The following ATR variants were observed in gnomAD, a reference collection of about 807,000 sequenced individuals.
ATR encodes the protein serine/threonine-protein kinase ATR.
In ATR, 142 loss-of-function variants were observed where a neutral mutation model predicts 305.3. That is an observed-to-expected ratio of 0.47 (90% CI 0.41 to 0.53). The LOEUF (loss-of-function observed/expected upper bound fraction) is 0.53. Ranked by LOEUF, ATR falls within the 20% of genes least tolerant of loss-of-function variation. ATR has a pLI of 0.00. For synonymous variants in ATR, 1,050 were observed against 1,068.1 expected, an observed-to-expected ratio of 0.98 and a Z score of 0.33; for missense variants, 2,135 against 3,133.1, an observed-to-expected ratio of 0.68 and a Z score of 7.60.
chr3:142,543,172 G>T (rs1208940776), intron 16 of ATR, among the ~76,000 whole-genome samples: 6 of 152,106 alleles, frequency 3.9e-5, no homozygotes, highest in Admixed American at 2.0e-4. Context: ...AGAAAAGTAC[G>T]ATTAAGGAAA....
In ATR at chr3:142,498,714, C is replaced by CT. The variant is rs1268253442; in HGVS notation, c.5440dup (p.Arg1814LysfsTer8). The stretch of plus-strand genomic sequence containing the variant: ...TGAGTCATAAAAAGCTGTGATATCT[C>CT]TTTTTTTGGCTGATAATAATAGCTG... On this transcript the variant is annotated frameshift_variant, in exon 32 of 47. Coordinates refer to ENST00000350721, the MANE Select transcript of ATR (RefSeq NM_001184.4). LOFTEE classifies it high-confidence loss of function. 1.9e-6 allele frequency: 3 copies of CT among 1,613,910 alleles called. No individual in the cohort carries two copies. Among genetic ancestry groups the CT allele is most frequent in the Non-Finnish European group, 2.5e-6 (3 of 1,179,906 alleles).
At chr3:142,527,638 A>G (rs1019684740) in intron 21 of ATR, among the ~76,000 whole-genome samples, 3 of 151,972 alleles carry the variant, frequency 2.0e-5, no homozygotes, top group Non-Finnish European at 4.4e-5. Context: ...TCTGTTCTCT[A>G]TATTTCTGCT....
chr3:142,536,264 A>G, intron 19 of ATR, 63 bp from the exon 20 acceptor site: 10 of 1,244,268 alleles, frequency 8.0e-6, no homozygotes, highest in South Asian at 3.8e-5. Flanking sequence ...AAAAATGTAA[A>G]GTAAAAGTTG....
Position 142,490,081 on chromosome 3 carries a change from C to CAA in ATR, c.6078+3049_6078+3050dup, listed in dbSNP as rs370496761. ...TCTGTATTTTTTTTCTTTTAATAGA[C>CAA]AAAGTTTCACTCTGTAACTCAGGCT... On this transcript the variant is annotated intron_variant, in intron 35 of 46. Coordinates refer to ENST00000350721, the MANE Select transcript of ATR (RefSeq NM_001184.4). Among the ~76,000 whole-genome samples, 142 of 152,152 alleles carry CAA rather than the reference C, an allele frequency of 9.3e-4. 2 individuals carry two copies. The East Asian group carries it at 0.024, about 25-fold the overall frequency.
At position 142,553,641 on chromosome 3, in the gene ATR, T is replaced by G; in HGVS notation, c.2632A>C (p.Arg878=). The stretch of plus-strand genomic sequence containing the variant: ...GAACACAAATGCTGCCAAGTATACC[T>G]TCCAATATCCCCTGTTGTAAGAATC... The part of the protein sequence containing the change: ...TLILTTGDIG[R]AAKGDLVPFA... Residue 878 remains arginine (R), a splice_region_variant and synonymous_variant, in exon 12 of 47, where the codon AGG becomes CGG. Transcript: ENST00000350721. The G allele has an allele frequency of 6.2e-7, 1 of 1,603,122 alleles. No homozygotes were observed. Among genetic ancestry groups the G allele is most frequent in the Non-Finnish European group, 8.5e-7 (1 of 1,170,726 alleles).
rs530203307 is a variant in ATR, at chr3:142,466,662, T to C, written c.6688-129A>G. 9.3e-6 allele frequency: 8 copies of C among 857,960 alleles called. 1 individual carries two copies. The South Asian group carries it at 1.3e-4, about 14-fold the overall frequency. 53.1% of individuals were successfully genotyped at this position (857,960 alleles called of 1,614,324 possible). On this transcript the variant is annotated intron_variant, in intron 39 of 46. Transcript: ENST00000350721. ...TGGTTTTCTAAGTATTTCCTAATCA[T>C]CCCATTTTAACCTCTGTCATTTACC...
rs2071030191 is a variant in ATR at position 142,461,924 on chromosome 3, G to A, written c.7192+16C>T. The A allele has an allele frequency of 3.1e-6, 5 of 1,609,986 alleles. No individual in the cohort carries two copies. The highest frequency in any genetic ancestry group is 3.4e-6 in the Non-Finnish European group (4 of 1,176,894). ...TAGTACCCACACTGTATATGTATAA[G>A]AATTAATTTTAGTACCCTTTTCTTT... is the stretch of plus-strand genomic sequence containing the variant. On this transcript the variant is annotated intron_variant, in intron 42 of 46. Coordinates refer to ENST00000350721, the MANE Select transcript of ATR (RefSeq NM_001184.4).
chr3:142,557,300 A>C (rs982732628), intron 8 of ATR, among the ~76,000 whole-genome samples: 14 of 152,174 alleles, frequency 9.2e-5, no homozygotes, highest in African/African-American at 3.1e-4. Flanking sequence ...TGACTAAAGA[A>C]TCATTTATAA....
chr3:142,450,702 AAC>A (rs1345845730), intron 46 of ATR: 2 of 1,586,194 alleles, frequency 1.3e-6, no homozygotes, highest in Non-Finnish European at 1.7e-6. Context: ...GTGCAACAAA[AAC>A]ACATTACATG....
At chr3:142,512,054 A>C (rs995004625) in intron 27 of ATR, among the ~76,000 whole-genome samples, 1 of 150,312 alleles carries the variant, frequency 6.7e-6, no homozygotes, top group Non-Finnish European at 1.5e-5. Flanking sequence ...GGAGGCAGAG[A>C]TTGCAGTGAG....
chr3:142,547,215 GA>G (rs66925295), intron 16 of ATR, among the ~76,000 whole-genome samples: 51,726 of 151,868 alleles, frequency 0.34, 9,304 homozygotes, highest in Middle Eastern at 0.44. Flanking sequence ...TTAAAATAGA[GA>G]ACATATTTCC....
intron 45 of ATR, among the ~76,000 whole-genome samples, chr3:142,456,208 G>A (rs1388497404): frequency 3.9e-5 from 6 of 152,088 alleles, no homozygotes; most frequent in African/African-American, 1.2e-4. Flanking sequence ...GTTGCAGTGA[G>A]TGGAGATCAC....
intron 36 of ATR, among the ~76,000 whole-genome samples, chr3:142,484,781 A>G (rs982906518): frequency 6.6e-6 from 1 of 151,998 alleles, no homozygotes; most frequent in Admixed American, 6.6e-5. Flanking sequence ...GTCAGAACAG[A>G]ATTGGAGGAC....
At chr3:142,481,919 C>T (rs548381063) in intron 36 of ATR, among the ~76,000 whole-genome samples, 1 of 152,088 alleles carries the variant, frequency 6.6e-6, no homozygotes, top group South Asian at 2.1e-4. Flanking sequence ...ACCTCCTGGG[C>T]TCAAGCAATC....
intron 27 of ATR, among the ~76,000 whole-genome samples, chr3:142,512,040 C>T (rs1038145698): frequency 2.0e-5 from 3 of 151,878 alleles, no homozygotes; most frequent in Non-Finnish European, 2.9e-5. Context: ...ATTGCTTGAA[C>T]CCGGGAGGCA....
At chr3:142,571,301 G>A (rs2035250061) in intron 1 of ATR, among the ~76,000 whole-genome samples, 1 of 151,904 alleles carries the variant, frequency 6.6e-6, no homozygotes, top group South Asian at 2.1e-4. Context: ...CCCCATCTCT[G>A]CTGAAAACAC....
chr3:142,467,108 G>C (rs554214788), intron 39 of ATR, among the ~76,000 whole-genome samples: 1 of 152,164 alleles, frequency 6.6e-6, no homozygotes, highest in East Asian at 1.9e-4. Flanking sequence ...TATTGATAAA[G>C]GAAAGGTGAG....
rs750147479 is a variant in ATR, at chr3:142,540,920, G to A, written c.3565C>T (p.Pro1189Ser). The change falls in exon 18 of 47, where the codon CCT becomes TCT. Residue 1189 changes from proline (P) to serine (S), a missense_variant. By Grantham distance (74) the Pro-to-Ser change is moderately conservative (BLOSUM62 -1). Around this residue, in one of 9 missense-constraint regions of ATR, gnomAD observed 530 missense variants for 766.8 expected, o/e 0.69. Transcript: ENST00000350721. Reference sequence around the variant, plus strand: ...GTCATTTACCTGCAACACAATTCAGGAAAATCATCCTTGAATCGAAGGCCA... The same window carrying A: ...GTCATTTACCTGCAACACAATTCAGAAAAATCATCCTTGAATCGAAGGCCA... ...RTGLRFKDDF[P>S]ELCCRAWDCF... 1.2e-5 allele frequency: 20 copies of A among 1,611,802 alleles called. No homozygotes were observed. Among genetic ancestry groups the A allele is most frequent in the Non-Finnish European group, 1.7e-5 (20 of 1,179,110 alleles).
At position 142,568,286 on chromosome 3, in the gene ATR, A is replaced by T. The variant is rs2035139975; in HGVS notation, c.60-132T>A. 8.4e-6 allele frequency: 6 copies of T among 713,404 alleles called. No homozygotes were observed. The Admixed American group carries it at 1.1e-4, about 13-fold the overall frequency. 44.2% of individuals were successfully genotyped at this position (713,404 alleles called of 1,614,324 possible). A position where few individuals can be genotyped will look rare whatever the true frequency, so the allele number is the denominator to read the frequency against. On this transcript the variant is annotated intron_variant, in intron 1 of 46. Coordinates refer to ENST00000350721, the MANE Select transcript of ATR (RefSeq NM_001184.4). ...ATATTCACAGTATTCTTCTGTTTAA[A>T]AATTGAAAAGAAAATCTGAATATGT... is the stretch of plus-strand genomic sequence containing the variant.
Sources: gnomAD v4.1 joint callset for allele counts (sites outside exome capture counted in the v4.1 genomes callset) on GRCh38, gnomAD v4.1.1 for gene constraint, gnomAD v4.1.1 regional missense constraint, MANE v1.5 for transcripts, NCBI Gene and HGNC (gene_info 2026-07-23, HGNC 2026-07-21) for gene names.